Variants in POLD3 observed in about 807,000 individuals in gnomAD.
POLD3 encodes DNA polymerase delta 3, accessory subunit.
POLD3 carries 19 observed loss-of-function variants against 58.2 expected under a neutral mutation model. That is an observed-to-expected ratio of 0.33 (90% CI 0.23 to 0.48). The LOEUF (loss-of-function observed/expected upper bound fraction) is 0.48, where lower values mean the gene tolerates loss of function less well. POLD3 is among the 20% of genes least tolerant of loss of function. POLD3 has a pLI of 0.99. For synonymous variants in POLD3, 172 were observed against 193.5 expected, an observed-to-expected ratio of 0.89 and a Z score of 0.92; for missense variants, 504 against 545.5, an observed-to-expected ratio of 0.92 and a Z score of 0.76.
At chr11:74,663,292 G>A (rs1179054956) in intron 4 of POLD3, among the ~76,000 whole-genome samples, 2 of 152,186 alleles carry the variant, frequency 1.3e-5, no homozygotes, top group African/African-American at 4.8e-5. Flanking sequence ...TTGTTAACTT[G>A]TCAGTTCTCT....
At chr11:74,660,281 AC>A (rs1247280292) in intron 4 of POLD3, among the ~76,000 whole-genome samples, 3 of 152,232 alleles carry the variant, frequency 2.0e-5, no homozygotes, top group African/African-American at 7.2e-5. Context: ...TCTGGGAGAT[AC>A]AATTCAAGTT....
intron 5 of POLD3, among the ~76,000 whole-genome samples, chr11:74,614,637 A>G (rs1009355304): frequency 1.3e-5 from 2 of 152,038 alleles, no homozygotes; most frequent in Non-Finnish European, 1.5e-5. Context: ...GTGAACACGG[A>G]AGGCAGAGCT....
At chr11:74,606,296 C>T (rs751720975) in intron 3 of POLD3, among the ~76,000 whole-genome samples, 26 of 152,312 alleles carry the variant, frequency 1.7e-4, no homozygotes, top group Middle Eastern at 6.8e-3. Flanking sequence ...AAACCTGCCT[C>T]CAGAGTTCTG....
At chr11:74,611,184 T>C (rs1020299779) in intron 3 of POLD3, among the ~76,000 whole-genome samples, 68 of 152,354 alleles carry the variant, frequency 4.5e-4, no homozygotes, top group African/African-American at 1.6e-3. Flanking sequence ...GTAATTCTTA[T>C]TAAATCACTC....
intron 7 of POLD3, among the ~76,000 whole-genome samples, chr11:74,622,276 G>A (rs2032287844): frequency 1.3e-5 from 2 of 151,976 alleles, no homozygotes; most frequent in East Asian, 3.9e-4. Context: ...ATCATTGTTG[G>A]ACATTTGGCT....
At chr11:74,651,466 G>C (rs1344909560) in intron 4 of POLD3, among the ~76,000 whole-genome samples, 1 of 152,128 alleles carries the variant, frequency 6.6e-6, no homozygotes, top group South Asian at 2.1e-4. Flanking sequence ...AACAGAACGT[G>C]CTCTCAAGGA....
At chr11:74,656,324 C>A (rs2033133143) in intron 4 of POLD3, among the ~76,000 whole-genome samples, 1 of 152,128 alleles carries the variant, frequency 6.6e-6, no homozygotes, top group Admixed American at 6.5e-5. Flanking sequence ...CTCAGTGGCT[C>A]ATGCCTGTAA....
At chr11:74,604,640 A>G in intron 2 of POLD3, 52 bp from the exon 3 acceptor site, 1 of 908,582 alleles carries the variant, frequency 1.1e-6, no homozygotes, top group South Asian at 1.4e-5. Flanking sequence ...AGAGTTGATC[A>G]TGTAAAAACT....
Position 74,642,940 on chromosome 11 carries a change from A to G in POLD3, c.*2174A>G. The stretch of plus-strand genomic sequence containing the variant: ...TTCAGCCAACCTCATTTTTTAGTTC[A>G]TCTAGAAGAAAATCTAGCACATTGT... On this transcript the variant is annotated 3_prime_UTR_variant, in exon 12 of 12. Transcript: ENST00000263681. 1 of 985,232 alleles carries G rather than the reference A, an allele frequency of 1.0e-6. No individual in the cohort carries two copies. Among genetic ancestry groups the G allele is most frequent in the Non-Finnish European group, 1.2e-6 (1 of 829,798 alleles). The allele number at this position is 985,232 out of a possible 1,614,324, so 61.0% of individuals were successfully genotyped here. A position where few individuals can be genotyped will look rare whatever the true frequency, so the allele number is the denominator to read the frequency against.
intron 2 of POLD3, 94 bp from the exon 3 acceptor site, chr11:74,604,598 C>T (rs1591292123): frequency 5.5e-6 from 4 of 727,010 alleles, no homozygotes; most frequent in Non-Finnish European, 9.5e-6. Flanking sequence ...GATGGACTAC[C>T]AGATTTCATT....
intron 4 of POLD3, among the ~76,000 whole-genome samples, chr11:74,660,972 T>C (rs2033199237): frequency 6.6e-6 from 1 of 152,062 alleles, no homozygotes; most frequent in African/African-American, 2.4e-5. Flanking sequence ...TGGTCAATTC[T>C]ACTATTAAGG....
At chr11:74,612,659 G>A (rs924839588) in intron 4 of POLD3, among the ~76,000 whole-genome samples, 1 of 152,150 alleles carries the variant, frequency 6.6e-6, no homozygotes, top group Non-Finnish European at 1.5e-5. Flanking sequence ...CCTCTCAGGT[G>A]CTGTCCTTAG....
At chr11:74,628,686 T>A (rs1027771784) in intron 8 of POLD3, among the ~76,000 whole-genome samples, 1 of 152,190 alleles carries the variant, frequency 6.6e-6, no homozygotes, top group Non-Finnish European at 1.5e-5. Flanking sequence ...TTAAAATATG[T>A]TTCCCCTTTC....
chr11:74,624,117 A>G (rs10899019), intron 7 of POLD3, among the ~76,000 whole-genome samples: 19,834 of 152,140 alleles, frequency 0.13, 1,675 homozygotes, highest in African/African-American at 0.24. Context: ...TTAAAACAAT[A>G]TAATTTATGT....
At chr11:74,623,474 T>TC (rs2135156852) in intron 7 of POLD3, among the ~76,000 whole-genome samples, 2 of 152,084 alleles carry the variant, frequency 1.3e-5, no homozygotes, top group South Asian at 4.2e-4. Flanking sequence ...ATAAAGGTTG[T>TC]CAGGGGCTGG....
intron 9 of POLD3, among the ~76,000 whole-genome samples, chr11:74,629,811 A>G (rs751540549): frequency 6.6e-6 from 1 of 152,150 alleles, no homozygotes; most frequent in Non-Finnish European, 1.5e-5. Flanking sequence ...AGCAAACCTC[A>G]TAAGGGCAAG....
chr11:74,620,112 T>C lies in POLD3; in HGVS notation c.733+23T>C. ...TGAGTAAGCATGTTCTTACCTCACT[T>C]TGACTAACGAATGAATGTTAATGTA... On this transcript the variant is annotated intron_variant, in intron 7 of 11. Coordinates refer to ENST00000263681, the MANE Select transcript of POLD3 (RefSeq NM_006591.3). 3 of 1,520,310 alleles carry C rather than the reference T, an allele frequency of 2.0e-6. No homozygotes were observed. The South Asian group carries it at 3.4e-5, about 17-fold the overall frequency. The allele number at this position is 1,520,310 out of a possible 1,614,324, so 94.2% of individuals were successfully genotyped here.
chr11:74,620,223 G>A lies in POLD3; in HGVS notation c.733+134G>A, dbSNP rs1441975025. ...ACCTGCATTCTAACAAATTTCCAGT[G>A]TACTGCCCAATATATTGATGAAAGT... On this transcript the variant is annotated intron_variant, in intron 7 of 11. Transcript: ENST00000263681. 3 of 682,698 alleles carry A rather than the reference G, an allele frequency of 4.4e-6. No individual in the cohort carries two copies. In the African/African-American group the frequency reaches 5.4e-5, roughly 12 times the overall value. 42.3% of individuals were successfully genotyped at this position (682,698 alleles called of 1,614,324 possible).
intron 4 of POLD3, among the ~76,000 whole-genome samples, chr11:74,648,595 C>T (rs1219877020): frequency 6.6e-6 from 1 of 152,136 alleles, no homozygotes; most frequent in Non-Finnish European, 1.5e-5. Context: ...ACAGGACATA[C>T]AAAGGCATGG....
Sources: gnomAD v4.1 joint callset for allele counts (sites outside exome capture counted in the v4.1 genomes callset) on GRCh38, gnomAD v4.1.1 for gene constraint, MANE v1.5 for transcripts, NCBI Gene and HGNC (gene_info 2026-07-23, HGNC 2026-07-21) for gene names.